Variants in ZNF326 observed in about 807,000 individuals in gnomAD.
ZNF326 encodes zinc finger protein 326.
A neutral mutation model predicts 63.1 loss-of-function variants in ZNF326; 30 were observed. The observed-to-expected ratio is 0.48, with a 90% CI of 0.36 to 0.64. The LOEUF (loss-of-function observed/expected upper bound fraction) is 0.64. Among genes scored for constraint, ZNF326 ranks in the 30% least tolerant of loss-of-function variants. The pLI, the probability that ZNF326 is intolerant of heterozygous loss-of-function variation, is 0.00. For missense variants in ZNF326, 609 were observed against 720.3 expected, an observed-to-expected ratio of 0.85 and a Z score of 1.77; for synonymous variants, 194 against 228.2, an observed-to-expected ratio of 0.85 and a Z score of 1.35.
At chr1:89,997,100 A>G (rs1185995038) in intron 1 of ZNF326, among the ~76,000 whole-genome samples, 3 of 152,242 alleles carry the variant, frequency 2.0e-5, no homozygotes, top group Non-Finnish European at 4.4e-5. Context: ...CTGCCCAAAT[A>G]TACCACTGCT....
In ZNF326 at chr1:90,028,800, T is replaced by C. The variant is rs1650141020; in HGVS notation, c.*1099T>C. 2 of 151,932 alleles carry C rather than the reference T, an allele frequency of 1.3e-5. No homozygotes were observed. The highest frequency in any genetic ancestry group is 4.8e-5 in the African/African-American group (2 of 41,380). 9.4% of individuals were successfully genotyped at this position (151,932 alleles called of 1,614,324 possible). A position where few individuals can be genotyped will look rare whatever the true frequency, so the allele number is the denominator to read the frequency against. On this transcript the variant is annotated 3_prime_UTR_variant, in exon 12 of 12. Transcript: ENST00000340281. Reference sequence around the variant, plus strand: ...TTTTTCAATCTTTACTGTGGCCTCTTTTGAGAGTAGGGTCCGTAGTTTTTT... The same window carrying C: ...TTTTTCAATCTTTACTGTGGCCTCTCTTGAGAGTAGGGTCCGTAGTTTTTT...
chr1:90,026,834 T>G (rs932607430), intron 11 of ZNF326, among the ~76,000 whole-genome samples: 1 of 152,196 alleles, frequency 6.6e-6, no homozygotes, highest in Non-Finnish European at 1.5e-5. Flanking sequence ...ATTGAAGTAT[T>G]AAAATAAAAT....
At chr1:90,024,035 G>A (rs1327176996) in intron 11 of ZNF326, among the ~76,000 whole-genome samples, 1 of 152,138 alleles carries the variant, frequency 6.6e-6, no homozygotes, top group Non-Finnish European at 1.5e-5. Flanking sequence ...AAGAAGCACT[G>A]GGGTCACATT....
chr1:90,018,216 C>T lies in ZNF326; in HGVS notation c.1075-469C>T, dbSNP rs576152814. Among the ~76,000 whole-genome samples the T allele has an allele frequency of 2.3e-4, 35 of 151,226 alleles. 1 individual carries two copies. The highest frequency in any genetic ancestry group is 7.0e-4 in the African/African-American group (29 of 41,174). ...CTGAGGCAGGAGAATTGCTTAAACCCGGGAGGCAGAGGTTGCAGTGAGCAG... is the reference window on the plus strand; with the variant it reads ...CTGAGGCAGGAGAATTGCTTAAACCTGGGAGGCAGAGGTTGCAGTGAGCAG... On this transcript the variant is annotated intron_variant, in intron 8 of 11. Coordinates refer to ENST00000340281, the MANE Select transcript of ZNF326 (RefSeq NM_182976.4).
chr1:89,998,191 TA>T, intron 2 of ZNF326, 37 bp downstream of exon 2: 1 of 1,600,330 alleles, frequency 6.2e-7, no homozygotes. Flanking sequence ...TTCATGCGCA[TA>T]AAAATATAGT....
At chr1:90,000,062 G>T (rs1380603594) in intron 2 of ZNF326, among the ~76,000 whole-genome samples, 3 of 152,168 alleles carry the variant, frequency 2.0e-5, no homozygotes, top group Admixed American at 2.0e-4. Context: ...AAATGTGTGT[G>T]TGTGCTTGTA....
At chr1:90,011,133 A>G (rs1296261461) in intron 6 of ZNF326, among the ~76,000 whole-genome samples, 2 of 152,190 alleles carry the variant, frequency 1.3e-5, no homozygotes, top group Non-Finnish European at 2.9e-5. Flanking sequence ...TAAAGCAGAT[A>G]TATATGTATC....
chr1:90,008,671 ATATTT>A (rs1649103172), intron 5 of ZNF326, among the ~76,000 whole-genome samples: 1 of 152,174 alleles, frequency 6.6e-6, no homozygotes, highest in East Asian at 1.9e-4. Flanking sequence ...GCTGCTCTTA[ATATTT>A]TATTTGCAGA....
rs1000647286 is a variant in ZNF326, at chr1:90,033,875, G to A, written c.*6174G>A. 7.3e-5 allele frequency: 11 copies of A among 151,702 alleles called. No homozygotes were observed. Among genetic ancestry groups the A allele is most frequent in the African/African-American group, 2.7e-4 (11 of 41,244 alleles). 9.4% of individuals were successfully genotyped at this position (151,702 alleles called of 1,614,324 possible). ...TACTATGCAATAAATATTTTTGAAT[G>A]TATGTATGTATGTTACAGTATAAAT... On this transcript the variant is annotated 3_prime_UTR_variant, in exon 12 of 12. Coordinates refer to ENST00000340281, the MANE Select transcript of ZNF326 (RefSeq NM_182976.4).
At chr1:90,008,418 T>C (rs530549056) in intron 5 of ZNF326, among the ~76,000 whole-genome samples, 1 of 152,208 alleles carries the variant, frequency 6.6e-6, no homozygotes, top group African/African-American at 2.4e-5. Flanking sequence ...TGTACAGATA[T>C]GTTTATGGTT....
intron 8 of ZNF326, 113 bp from the exon 9 acceptor site, chr1:90,018,572 T>A (rs185908565): frequency 8.7e-5 from 45 of 516,612 alleles, no homozygotes; most frequent in Non-Finnish European, 1.4e-4. Flanking sequence ...TGAGAAAAGA[T>A]GTTAATTCTT....
intron 1 of ZNF326, among the ~76,000 whole-genome samples, chr1:89,996,907 A>G (rs917652456): frequency 1.3e-5 from 2 of 152,276 alleles, no homozygotes; most frequent in African/African-American, 4.8e-5. Flanking sequence ...GAGGTGGGGC[A>G]GTAGAAACAG....
At chr1:89,995,399 G>GCCCT in intron 1 of ZNF326, 126 bp downstream of exon 1, 1 of 1,270,618 alleles carries the variant, frequency 7.9e-7, no homozygotes, top group Non-Finnish European at 1.0e-6. Flanking sequence ...CCGCCCGCCC[G>GCCCT]CCCCGGGCCC....
Position 90,007,287 on chromosome 1 carries a change from A to G in ZNF326, c.210-58A>G. On this transcript the variant is annotated intron_variant, in intron 4 of 11. Transcript: ENST00000340281. The surrounding 1 kb of genome is among the most constrained non-coding windows in gnomAD (Gnocchi z 4.9). ...TGTCATCTGATAATTTGTCTTTTGA[A>G]TTGTCTAACATTAGTAAGCTTACTT... 6 of 1,477,572 alleles carry G rather than the reference A, an allele frequency of 4.1e-6. No individual in the cohort carries two copies. The highest frequency in any genetic ancestry group is 5.5e-6 in the Non-Finnish European group (6 of 1,096,528). 91.5% of individuals were successfully genotyped at this position (1,477,572 alleles called of 1,614,324 possible).
chr1:90,005,169 G>C lies in ZNF326; in HGVS notation c.134G>C (p.Gly45Ala). 1 of 1,613,938 alleles carries C rather than the reference G, an allele frequency of 6.2e-7. No homozygotes were observed. The highest frequency in any genetic ancestry group is 8.5e-7 in the Non-Finnish European group (1 of 1,179,944). Residue 45 changes from glycine (G) to alanine (A), a missense_variant, in exon 4 of 12, where the codon GGT becomes GCT. Around this residue, in one of 3 missense-constraint regions of ZNF326, gnomAD observed 97 missense variants for 88.7 expected, o/e 1.09. Transcript: ENST00000340281. ...GACTATGGCCATGGATCCTATGGGG[G>C]TCAGAGATCCATGGATTCCTACCTA... ...DRDYGHGSYGGQRSMDSYLNQ... is the reference protein window; with the variant it reads ...DRDYGHGSYGAQRSMDSYLNQ...
At chr1:90,017,512 C>A in intron 8 of ZNF326, 48 bp downstream of exon 8, 1 of 1,508,156 alleles carries the variant, frequency 6.6e-7, no homozygotes, top group Non-Finnish European at 8.9e-7. Context: ...ATATGAATTT[C>A]TTATGATTTC....
rs1649022566 is a variant in ZNF326, at chr1:90,007,064, CTTTT to C, written c.210-280_210-277del. Among the ~76,000 whole-genome samples the C allele has an allele frequency of 6.6e-6, 1 of 152,154 alleles. No homozygotes were observed. The highest frequency in any genetic ancestry group is 2.4e-5 in the African/African-American group (1 of 41,436). ...TGGGCTTAAATAATGACAGACAAAT[CTTTT>C]CTTCTTCATAAAATAGAAAAGCTGC... On this transcript the variant is annotated intron_variant, in intron 4 of 11. Transcript: ENST00000340281. The surrounding 1 kb of genome is among the most constrained non-coding windows in gnomAD (Gnocchi z 4.9).
chr1:90,030,435 A>G lies in ZNF326; in HGVS notation c.*2734A>G, dbSNP rs1650219193. The G allele has an allele frequency of 6.6e-6, 1 of 151,558 alleles. No homozygotes were observed. Among genetic ancestry groups the G allele is most frequent in the African/African-American group, 2.4e-5 (1 of 41,190 alleles). 9.4% of individuals were successfully genotyped at this position (151,558 alleles called of 1,614,324 possible). A position where few individuals can be genotyped will look rare whatever the true frequency, so the allele number is the denominator to read the frequency against. On this transcript the variant is annotated 3_prime_UTR_variant, in exon 12 of 12. Transcript: ENST00000340281. ...CTTTATATCATATACCATTCTTACCAGCCATAATGGCCTTTTGTTACTTTT... is the reference window on the plus strand; with the variant it reads ...CTTTATATCATATACCATTCTTACCGGCCATAATGGCCTTTTGTTACTTTT...
intron 4 of ZNF326, chr1:90,006,427 T>G: frequency 1.0e-6 from 1 of 985,368 alleles, no homozygotes; most frequent in Non-Finnish European, 1.2e-6. Context: ...CTTTATAAAA[T>G]TGTGTTGTAA....
Sources: gnomAD v4.1 joint callset for allele counts (sites outside exome capture counted in the v4.1 genomes callset) on GRCh38, gnomAD v4.1.1 for gene constraint, gnomAD v4.1.1 regional missense constraint, Gnocchi (gnomAD v3.1) non-coding constraint, MANE v1.5 for transcripts, NCBI Gene and HGNC (gene_info 2026-07-23, HGNC 2026-07-21) for gene names.